SPATA31C2: variants seen among roughly 807,000 people sequenced by gnomAD.
SPATA31C2 encodes the protein spermatogenesis-associated protein 31C2.
A neutral mutation model predicts 11.4 loss-of-function variants in SPATA31C2; 5 were observed. That is an observed-to-expected ratio of 0.44 (90% confidence interval 0.23 to 0.92). The LOEUF is 0.92. SPATA31C2 is among the 40% of genes least tolerant of loss of function. The pLI is 0.24. For missense variants in SPATA31C2, 1,353 were observed against 1,368.6 expected (o/e 0.99, Z 0.18); for synonymous variants, 515 against 538.7 (o/e 0.96, Z 0.61).
Position 88,132,235 on chromosome 9 carries a change from C to A in SPATA31C2, c.802G>T (p.Ala268Ser). 1 of 1,610,728 alleles carries A rather than the reference C, an allele frequency of 6.2e-7. No individual in the cohort carries two copies. Among genetic ancestry groups the A allele is most frequent in the Non-Finnish European group, 8.5e-7 (1 of 1,177,692 alleles). ...AGGCCTGAGATGCCTGGGACAGAAG[C>A]CGCCAAATCCTCACGTGGAGACAAG... ...QSLSPREDLA[A>S]SVPGISGLGG... is the part of the protein sequence containing the mutation. Residue 268 changes from alanine (A) to serine (S), a missense_variant, in exon 4 of 4, where the codon GCT (alanine) becomes TCT (serine). By Grantham distance (99) the Ala-to-Ser change is moderately conservative. Coordinates refer to ENST00000324915, the MANE Select transcript of SPATA31C2 (RefSeq NM_001350978.3).
chr9:88,131,773 C>A lies in SPATA31C2; in HGVS notation c.1264G>T (p.Val422Phe). The A allele has an allele frequency of 1.2e-6, 2 of 1,611,810 alleles. No homozygotes were observed. The highest frequency in any genetic ancestry group is 2.2e-5 in the East Asian group (1 of 44,862). Residue 422 changes from valine (V) to phenylalanine (F), a missense_variant, in exon 4 of 4, where the codon GTC becomes TTC. Transcript: ENST00000324915. ...LPSRVQKSQD[V>F]FSVSTPNLPQ... Reference sequence around the variant, plus strand: ...AGGTTAGGAGTGGAGACACTAAAGACGTCCTGAGATTTTTGGACCCTAGAG... The same window carrying A: ...AGGTTAGGAGTGGAGACACTAAAGAAGTCCTGAGATTTTTGGACCCTAGAG...
In SPATA31C2 at chr9:88,130,825, A is replaced by G. The variant is rs1825577461; in HGVS notation, c.2212T>C (p.Cys738Arg). ...PERLQASSPA[C>R]KQFQRAPRGI... ...CGCGGGGCCCTCTGGAACTGCTTAC[A>G]TGCAGGTGAGGAGGCCTGAAGCCTC... Residue 738 changes from cysteine to arginine, a missense_variant, in exon 4 of 4, where the codon TGT becomes CGT. Transcript: ENST00000324915. 13 of 1,613,248 alleles carry G rather than the reference A, an allele frequency of 8.1e-6. No homozygotes were observed. The highest frequency in any genetic ancestry group is 1.8e-4 in the Middle Eastern group (1 of 5,458).
chr9:88,134,145 TAAATA>T (rs1190368734), intron 1 of SPATA31C2, among the ~76,000 whole-genome samples: 1 of 146,850 alleles, frequency 6.8e-6, no homozygotes, highest in Admixed American at 6.9e-5. Flanking sequence ...AAAAACAAAA[TAAATA>T]AAAATAACAC....
chr9:88,131,006 A>T lies in SPATA31C2; in HGVS notation c.2031T>A (p.Val677=), dbSNP rs1486978592. 7 of 1,612,072 alleles carry T rather than the reference A, an allele frequency of 4.3e-6. No individual in the cohort carries two copies. Among genetic ancestry groups the T allele is most frequent in the Non-Finnish European group, 5.9e-6 (7 of 1,179,870 alleles). Reference sequence around the variant, plus strand: ...CAAGCTGTATAAGGGACAAGGATGAAACCTTTTCCAGTTGAAAGCACTGAA... The same window carrying T: ...CAAGCTGTATAAGGGACAAGGATGATACCTTTTCCAGTTGAAAGCACTGAA... The part of the protein sequence containing the change: ...KPIQCFQLEK[V]SSLSLIQLAG... The change falls in exon 4 of 4, where the codon GTT becomes GTA. Residue 677 remains valine, a synonymous_variant. Coordinates refer to ENST00000324915, the MANE Select transcript of SPATA31C2 (RefSeq NM_001350978.3).
In SPATA31C2 at chr9:88,132,196, T is replaced by G; in HGVS notation, c.841A>C (p.Ser281Arg). 1 of 1,610,576 alleles carries G rather than the reference T, an allele frequency of 6.2e-7. No homozygotes were observed. Among genetic ancestry groups the G allele is most frequent in the South Asian group, 1.1e-5 (1 of 91,010 alleles). The change falls in exon 4 of 4, where the codon AGT becomes CGT. Residue 281 changes from serine (S) to arginine (R), a missense_variant. By Grantham distance (110) the Ser-to-Arg change is moderately radical. Transcript: ENST00000324915. ...GACCAGGAGAGGGCAGAAACTTGAC[T>G]GTTTGAGCCGCCAAGGCCTGAGATG... is the stretch of plus-strand genomic sequence containing the variant. ...PGISGLGGSN[S>R]QVSALSWSQE...
rs1474665605 is a variant in SPATA31C2 at position 88,131,886 on chromosome 9, T to A, written c.1151A>T (p.Asn384Ile). 1.2e-6 allele frequency: 2 copies of A among 1,610,432 alleles called. No homozygotes were observed. Among genetic ancestry groups the A allele is most frequent in the East Asian group, 4.5e-5 (2 of 44,808 alleles). Residue 384 changes from asparagine to isoleucine, a missense_variant, in exon 4 of 4, where the codon AAT (asparagine) becomes ATT (isoleucine). Around this residue, in one of 6 missense-constraint regions of SPATA31C2, gnomAD observed 1,075 missense variants for 992.8 expected, o/e 1.08. Coordinates refer to ENST00000324915, the MANE Select transcript of SPATA31C2 (RefSeq NM_001350978.3). ...AGGTAGGGAGAGAGCTTGCACTTTA[T>A]TCTGCGACGCAGGGCAAGCTACTCC... ...NTGVACPASQNKVQALSLPET... is the reference protein window; with the variant it reads ...NTGVACPASQIKVQALSLPET...
At chr9:88,137,304 C>T (rs1299875341) in intron 1 of SPATA31C2, among the ~76,000 whole-genome samples, 4 of 146,804 alleles carry the variant, frequency 2.7e-5, no homozygotes, top group African/African-American at 1.0e-4. Context: ...ACAATAACCT[C>T]AATCTAACCT....
chr9:88,133,562 A>G, intron 2 of SPATA31C2, 32 bp downstream of exon 2: 1 of 1,571,012 alleles, frequency 6.4e-7, no homozygotes, highest in Non-Finnish European at 8.6e-7. Context: ...ATGAGATCAA[A>G]TTAACTCTAG....
At position 88,132,249 on chromosome 9, in the gene SPATA31C2, C is replaced by A. The variant is rs1347702807; in HGVS notation, c.788G>T (p.Arg263Leu). 3.1e-6 allele frequency: 5 copies of A among 1,610,760 alleles called. No homozygotes were observed. Among genetic ancestry groups the A allele is most frequent in the Non-Finnish European group, 4.2e-6 (5 of 1,177,688 alleles). Residue 263 changes from arginine to leucine, a missense_variant, in exon 4 of 4, where the codon CGT (arginine) becomes CTT (leucine). Physicochemically the swap from Arg to Leu is moderately radical, Grantham distance 102. Coordinates refer to ENST00000324915, the MANE Select transcript of SPATA31C2 (RefSeq NM_001350978.3). ...LDTVPQSLSP[R>L]EDLAASVPGI... ...TGGGACAGAAGCCGCCAAATCCTCA[C>A]GTGGAGACAAGCTTTGAGGGACGGT... is the stretch of plus-strand genomic sequence containing the variant.
At position 88,131,872 on chromosome 9, in the gene SPATA31C2, G is replaced by C; in HGVS notation, c.1165C>G (p.Leu389Val). 3 of 1,610,854 alleles carry C rather than the reference G, an allele frequency of 1.9e-6. No homozygotes were observed. Among genetic ancestry groups the C allele is most frequent in the Non-Finnish European group, 2.5e-6 (3 of 1,179,038 alleles). The change falls in exon 4 of 4, where the codon CTC becomes GTC. Residue 389 changes from leucine (L) to valine (V), a missense_variant. Coordinates refer to ENST00000324915, the MANE Select transcript of SPATA31C2 (RefSeq NM_001350978.3). The stretch of plus-strand genomic sequence containing the variant: ...GGGTGCTGAGTTTCAGGTAGGGAGA[G>C]AGCTTGCACTTTATTCTGCGACGCA... The part of the protein sequence containing the change: ...CPASQNKVQA[L>V]SLPETQHPER...
At position 88,130,232 on chromosome 9, in the gene SPATA31C2, C is replaced by G; in HGVS notation, c.2805G>C (p.Arg935Ser). ...RRSNMGHKEP[R>S]NPNCQGSCKS... ...TGCATGAGCCTTGACAGTTTGGGTT[C>G]CTGGGCTCCTTGTGCCCCATGTTAC... The change falls in exon 4 of 4, where the codon AGG becomes AGC. Residue 935 changes from arginine (R) to serine (S), a missense_variant. This residue lies in a region of SPATA31C2 where 16 missense variants were observed against 45.1 expected (regional missense o/e 0.35). Coordinates refer to ENST00000324915, the MANE Select transcript of SPATA31C2 (RefSeq NM_001350978.3). 6.2e-7 allele frequency: 1 copy of G among 1,609,186 alleles called. No homozygotes were observed.
intron 1 of SPATA31C2, among the ~76,000 whole-genome samples, chr9:88,133,901 A>G (rs1290111152): frequency 1.3e-5 from 2 of 152,168 alleles, no homozygotes; most frequent in Non-Finnish European, 2.9e-5. Context: ...TCACGCCTAT[A>G]ATCCCAGCAC....
At chr9:88,135,339 G>C (rs1825666031) in intron 1 of SPATA31C2, among the ~76,000 whole-genome samples, 1 of 107,136 alleles carries the variant, frequency 9.3e-6, no homozygotes, top group Non-Finnish European at 1.7e-5. Flanking sequence ...CTATGTACCA[G>C]GGATTTTTAT....
Position 88,131,157 on chromosome 9 carries a change from G to C in SPATA31C2, c.1880C>G (p.Ala627Gly). The change falls in exon 4 of 4, where the codon GCC becomes GGC. Residue 627 changes from alanine to glycine, a missense_variant. Around this residue, in one of 6 missense-constraint regions of SPATA31C2, gnomAD observed 1,075 missense variants for 992.8 expected, o/e 1.08. Transcript: ENST00000324915. ...SNLAAPKSRK[A>G]CVNTAQVLSF... ...AAGCACCTGGGCTGTGTTCACACAG[G>C]CTTTCCTGCTTTTCGGGGCTGCTAG... 2 of 1,611,796 alleles carry C rather than the reference G, an allele frequency of 1.2e-6. No homozygotes were observed. Among genetic ancestry groups the C allele is most frequent in the Middle Eastern group, 2.3e-4 (1 of 4,430 alleles).
In SPATA31C2 at chr9:88,132,180, A is replaced by T; in HGVS notation, c.857T>A (p.Leu286His). Residue 286 changes from leucine to histidine, a missense_variant, in exon 4 of 4, where the codon CTC (leucine) becomes CAC (histidine). By Grantham distance (99) the Leu-to-His change is moderately conservative. Transcript: ENST00000324915. Reference sequence around the variant, plus strand: ...TTTGGTAGTCTCCTGCGACCAGGAGAGGGCAGAAACTTGACTGTTTGAGCC... The same window carrying T: ...TTTGGTAGTCTCCTGCGACCAGGAGTGGGCAGAAACTTGACTGTTTGAGCC... Reference protein sequence around the residue: ...LGGSNSQVSALSWSQETTKTW... With the variant: ...LGGSNSQVSAHSWSQETTKTW... The T allele has an allele frequency of 6.2e-7, 1 of 1,610,598 alleles. No individual in the cohort carries two copies. The highest frequency in any genetic ancestry group is 2.2e-5 in the East Asian group (1 of 44,716).
Position 88,132,686 on chromosome 9 carries a change from T to G in SPATA31C2, c.351A>C (p.Lys117Asn), listed in dbSNP as rs377354924. ...GACCAGAGAGCTGACCAAAGTCACC[T>G]TTTTCAAGGTGTGGCCCCAGGAGGC... ...LQSLLGPHLEKGDFGQLSGPD... is the reference protein window; with the variant it reads ...LQSLLGPHLENGDFGQLSGPD... Residue 117 changes from lysine (K) to asparagine (N), a missense_variant, in exon 4 of 4, where the codon AAA (lysine) becomes AAC (asparagine). By Grantham distance (94) the Lys-to-Asn change is moderately conservative. Around this residue, in one of 6 missense-constraint regions of SPATA31C2, gnomAD observed 1,075 missense variants for 992.8 expected, o/e 1.08. Transcript: ENST00000324915. 779 of 1,605,546 alleles carry G rather than the reference T, an allele frequency of 4.9e-4. 6 individuals carry two copies. In the African/African-American group the frequency reaches 9.5e-3, roughly 20 times the overall value.
Position 88,132,253 on chromosome 9 carries a change from G to C in SPATA31C2, c.784C>G (p.Pro262Ala), listed in dbSNP as rs780480584. The change falls in exon 4 of 4, where the codon CCA (proline) becomes GCA (alanine). Residue 262 changes from proline (P) to alanine (A), a missense_variant. Pro to Ala is a conservative substitution (Grantham distance 27, BLOSUM62 -1). Around this residue, in one of 6 missense-constraint regions of SPATA31C2, gnomAD observed 1,075 missense variants for 992.8 expected, o/e 1.08. Transcript: ENST00000324915. The part of the protein sequence containing the change: ...PLDTVPQSLS[P>A]REDLAASVPG... The stretch of plus-strand genomic sequence containing the variant: ...ACAGAAGCCGCCAAATCCTCACGTG[G>C]AGACAAGCTTTGAGGGACGGTGTCC... The C allele has an allele frequency of 6.2e-7, 1 of 1,610,830 alleles. No homozygotes were observed. Among genetic ancestry groups the C allele is most frequent in the Non-Finnish European group, 8.5e-7 (1 of 1,177,728 alleles).
chr9:88,133,694 G>GC (rs760857304), intron 1 of SPATA31C2, 25 bp from the exon 2 acceptor site: 8 of 1,602,686 alleles, frequency 5.0e-6, no homozygotes, highest in Non-Finnish European at 6.8e-6. Context: ...ATGGCGAGGA[G>GC]CTAGGACCGG....
At chr9:88,134,448 ACAGAGACCTCCCCCGTCTCATGAC>A (rs745312776) in intron 1 of SPATA31C2, among the ~76,000 whole-genome samples, 2,911 of 147,302 alleles carry the variant, frequency 0.02, 100 homozygotes, top group East Asian at 0.11. Context: ...CTGGCCTCGG[ACAGAGACCTCCCCCGTCTCATGAC>A]CAGAGACCTC....
Sources: gnomAD v4.1 joint callset for allele counts (sites outside exome capture counted in the v4.1 genomes callset) on GRCh38, gnomAD v4.1.1 for gene constraint, gnomAD v4.1.1 regional missense constraint, MANE v1.5 for transcripts, NCBI Gene and HGNC (gene_info 2026-07-23, HGNC 2026-07-21) for gene names.